Variants in TOGARAM1 observed in about 807,000 individuals in gnomAD.
TOGARAM1 encodes TOG array regulator of axonemal microtubules 1, also known as TOG array regulator of axonemal microtubules protein 1.
A neutral mutation model predicts 166.6 loss-of-function variants in TOGARAM1; 100 were observed. The ratio of observed to expected loss-of-function variants is 0.60; its 90% CI spans 0.51 to 0.71. The LOEUF (loss-of-function observed/expected upper bound fraction) is 0.71. Among genes scored for constraint, TOGARAM1 ranks in the 30% least tolerant of loss-of-function variants. The probability of loss-of-function intolerance (pLI) is 0.00; values close to 1 mark genes in which losing one functional copy is unlikely to be tolerated. For synonymous variants in TOGARAM1, 758 were observed against 763.8 expected (o/e 0.99, Z 0.13); for missense variants, 2,029 against 2,102.7 (o/e 0.96, Z 0.69).
chr14:45,067,852 A>T (rs1332544061), intron 17 of TOGARAM1, among the ~76,000 whole-genome samples: 1 of 152,174 alleles, frequency 6.6e-6, no homozygotes, highest in Non-Finnish European at 1.5e-5. Context: ...TTTAGCATTC[A>T]CTTTATTATA....
intron 1 of TOGARAM1, among the ~76,000 whole-genome samples, chr14:44,976,729 C>T (rs1290274601): frequency 6.6e-6 from 1 of 151,916 alleles, no homozygotes; most frequent in East Asian, 1.9e-4. Flanking sequence ...TCAATAAGAC[C>T]AGCACATGAT....
intron 1 of TOGARAM1, among the ~76,000 whole-genome samples, chr14:44,992,350 A>G (rs1231432504): frequency 1.3e-5 from 2 of 152,012 alleles, no homozygotes; most frequent in African/African-American, 4.8e-5. Flanking sequence ...GCAAGGGTGG[A>G]GTCTGGGTGA....
rs138120623 is a variant in TOGARAM1, at chr14:45,051,124, T to G, written c.4314-1312T>G. Among the ~76,000 whole-genome samples, 773 of 152,354 alleles carry G rather than the reference T, an allele frequency of 5.1e-3. 26 individuals are homozygous for G. The highest frequency in any genetic ancestry group is 0.045 in the Admixed American group (682 of 15,296). ...AATCATTGGGCTTAAAGTATTATGCTAAGATGATTATTTTATAATTCATAT... is the reference window on the plus strand; with the variant it reads ...AATCATTGGGCTTAAAGTATTATGCGAAGATGATTATTTTATAATTCATAT... On this transcript the variant is annotated intron_variant, in intron 14 of 19. Coordinates refer to ENST00000361462, the MANE Select transcript of TOGARAM1 (RefSeq NM_001308120.2).
In TOGARAM1 at chr14:44,963,477, T is replaced by G. The variant is rs747666455; in HGVS notation, c.1056T>G (p.Pro352=). ...SNSNLKFGII[P]QELHSRLLDQ... ...GCAATCTTAAATTTGGGATTATTCCTCAGGAGCTGCATTCACGATTATTGG... is the reference window on the plus strand; with the variant it reads ...GCAATCTTAAATTTGGGATTATTCCGCAGGAGCTGCATTCACGATTATTGG... Residue 352 remains proline (P), a synonymous_variant, in exon 1 of 20, where the codon CCT becomes CCG. Transcript: ENST00000361462. 6 of 1,614,190 alleles carry G rather than the reference T, an allele frequency of 3.7e-6. No individual in the cohort carries two copies. Among genetic ancestry groups the G allele is most frequent in the Non-Finnish European group, 5.1e-6 (6 of 1,180,040 alleles).
intron 7 of TOGARAM1, 31 bp downstream of exon 7, chr14:45,012,106 A>G: frequency 7.5e-7 from 1 of 1,333,694 alleles, no homozygotes; most frequent in Non-Finnish European, 1.0e-6. Context: ...AAAATAATTT[A>G]TAAAATATGA....
chr14:45,002,602 G>T (rs1336792433), intron 3 of TOGARAM1, among the ~76,000 whole-genome samples: 1 of 152,176 alleles, frequency 6.6e-6, no homozygotes, highest in Non-Finnish European at 1.5e-5. Context: ...CCAGGTGTTG[G>T]AAATTTTGGT....
At chr14:44,968,659 G>T (rs891850974) in intron 1 of TOGARAM1, among the ~76,000 whole-genome samples, 6 of 152,036 alleles carry the variant, frequency 3.9e-5, no homozygotes, top group Non-Finnish European at 5.9e-5. Flanking sequence ...ACCTCATCCG[G>T]TACTTTAGGG....
intron 1 of TOGARAM1, among the ~76,000 whole-genome samples, chr14:44,993,235 C>T (rs1887240716): frequency 6.6e-6 from 1 of 151,918 alleles, no homozygotes; most frequent in African/African-American, 2.4e-5. Flanking sequence ...TGCAGTGAGC[C>T]ATGATCATGC....
chr14:45,068,518 G>A lies in TOGARAM1; in HGVS notation c.4844G>A (p.Arg1615Lys). ...ETMHKMIPLL[R>K]DHLSPIINML... is the part of the protein sequence containing the mutation. ...ATGCACAAAATGATTCCTCTACTTA[G>A]AGACCACTTATCTCCTATAATCAAC... Residue 1615 changes from arginine to lysine, a missense_variant, in exon 18 of 20, where the codon AGA becomes AAA. Coordinates refer to ENST00000361462, the MANE Select transcript of TOGARAM1 (RefSeq NM_001308120.2). The A allele has an allele frequency of 6.2e-7, 1 of 1,613,382 alleles. No homozygotes were observed. The highest frequency in any genetic ancestry group is 8.5e-7 in the Non-Finnish European group (1 of 1,179,706).
chr14:44,984,302 A>C (rs1171342005), intron 1 of TOGARAM1, among the ~76,000 whole-genome samples: 1 of 151,950 alleles, frequency 6.6e-6, no homozygotes, highest in East Asian at 1.9e-4. Context: ...TAATAATAAT[A>C]ATATTAAAAA....
intron 3 of TOGARAM1, among the ~76,000 whole-genome samples, chr14:45,000,865 C>G (rs1275841046): frequency 6.6e-6 from 1 of 152,122 alleles, no homozygotes; most frequent in Admixed American, 6.5e-5. Flanking sequence ...TCCCAAGTAG[C>G]TGGGACTACA....
rs950104072 is a variant in TOGARAM1, at chr14:44,963,063, G to A, written c.642G>A (p.Val214=). 1.2e-5 allele frequency: 19 copies of A among 1,614,194 alleles called. No homozygotes were observed. The highest frequency in any genetic ancestry group is 1.6e-5 in the Non-Finnish European group (19 of 1,180,032). The change falls in exon 1 of 20, where the codon GTG becomes GTA. Residue 214 remains valine (V), a synonymous_variant. Coordinates refer to ENST00000361462, the MANE Select transcript of TOGARAM1 (RefSeq NM_001308120.2). The part of the protein sequence containing the change: ...HICLKRSPGE[V]LRTLIQQGLE... ...GTCTGAAACGTAGTCCTGGAGAGGTGCTGAGAACGCTTATACAACAAGGAC... is the reference window on the plus strand; with the variant it reads ...GTCTGAAACGTAGTCCTGGAGAGGTACTGAGAACGCTTATACAACAAGGAC...
intron 1 of TOGARAM1, among the ~76,000 whole-genome samples, chr14:44,987,152 C>T (rs1444480813): frequency 6.6e-6 from 1 of 151,766 alleles, no homozygotes; most frequent in Non-Finnish European, 1.5e-5. Context: ...CCATGTTGGC[C>T]AGGATGGTCT....
At chr14:45,055,224 A>C (rs1332662241) in intron 16 of TOGARAM1, among the ~76,000 whole-genome samples, 1 of 152,054 alleles carries the variant, frequency 6.6e-6, no homozygotes, top group East Asian at 1.9e-4. Context: ...CATTTAGTTG[A>C]TTTTTATATA....
chr14:45,035,196 C>A (rs1881360993), intron 11 of TOGARAM1, among the ~76,000 whole-genome samples: 1 of 151,906 alleles, frequency 6.6e-6, no homozygotes, highest in East Asian at 1.9e-4. Flanking sequence ...CCTGTGTCTA[C>A]CAAAAATACA....
At chr14:45,016,104 A>C (rs2138872862) in intron 7 of TOGARAM1, among the ~76,000 whole-genome samples, 1 of 152,260 alleles carries the variant, frequency 6.6e-6, no homozygotes, top group South Asian at 2.1e-4. Flanking sequence ...ATTTAAAAAA[A>C]TACTTGTCAG....
chr14:45,068,653 C>A lies in TOGARAM1; in HGVS notation c.4969+10C>A. The A allele has an allele frequency of 6.5e-7, 1 of 1,545,372 alleles. No individual in the cohort carries two copies. Among genetic ancestry groups the A allele is most frequent in the Non-Finnish European group, 8.8e-7 (1 of 1,140,822 alleles). ...CTGAGTCAGCATGTAGGTAAGAAAT[C>A]TTACTTCGGCACTCAAATTATTTTC... is the stretch of plus-strand genomic sequence containing the variant. On this transcript the variant is annotated intron_variant, in intron 18 of 19. Transcript: ENST00000361462.
intron 14 of TOGARAM1, among the ~76,000 whole-genome samples, chr14:45,050,453 A>G (rs889980706): frequency 2.9e-4 from 44 of 151,414 alleles, no homozygotes; most frequent in African/African-American, 1.0e-3. Context: ...GGGTGTTGCC[A>G]TGTTGCTGAA....
intron 7 of TOGARAM1, among the ~76,000 whole-genome samples, chr14:45,022,305 G>A (rs1000062060): frequency 1.3e-5 from 2 of 150,604 alleles, no homozygotes; most frequent in African/African-American, 2.5e-5. Context: ...AGTATCTACC[G>A]AAACTAGTAG....
Sources: gnomAD v4.1 joint callset for allele counts (sites outside exome capture counted in the v4.1 genomes callset) on GRCh38, gnomAD v4.1.1 for gene constraint, MANE v1.5 for transcripts, NCBI Gene and HGNC (gene_info 2026-07-23, HGNC 2026-07-21) for gene names.